Variants in EPC1 observed in about 807,000 individuals in gnomAD.
EPC1 encodes the protein enhancer of polycomb 1, also known as enhancer of polycomb homolog 1.
In EPC1, 12 loss-of-function variants were observed where a neutral mutation model predicts 98.4. That is an observed-to-expected ratio of 0.12 (90% confidence interval 0.08 to 0.20). The LOEUF is 0.20. Ranked by LOEUF, EPC1 falls within the 10% of genes least tolerant of loss-of-function variation. EPC1 has a pLI of 1.00. For missense variants in EPC1, 729 were observed against 990.5 expected (o/e 0.74, Z 3.54); for synonymous variants, 357 against 363.9 (o/e 0.98, Z 0.21).
chr10:32,340,316 C>A (rs1440545712), intron 1 of EPC1, among the ~76,000 whole-genome samples: 1 of 152,168 alleles, frequency 6.6e-6, no homozygotes, highest in Non-Finnish European at 1.5e-5. Context: ...ATAAGTACAG[C>A]AAGTTTGCTT....
intron 2 of EPC1, among the ~76,000 whole-genome samples, chr10:32,301,553 AAG>A (rs1835543487): frequency 6.6e-6 from 1 of 152,266 alleles, no homozygotes; most frequent in African/African-American, 2.4e-5. Flanking sequence ...TGCAATACTC[AAG>A]ACAGCGATAT....
At chr10:32,320,281 CTG>C (rs1836825579) in intron 1 of EPC1, among the ~76,000 whole-genome samples, 1 of 151,772 alleles carries the variant, frequency 6.6e-6, no homozygotes, top group Non-Finnish European at 1.5e-5. Context: ...GCTTCCAGAA[CTG>C]TTACCAAGTA....
At chr10:32,369,570 T>C (rs576326688) in intron 1 of EPC1, among the ~76,000 whole-genome samples, 23 of 152,298 alleles carry the variant, frequency 1.5e-4, no homozygotes, top group African/African-American at 5.5e-4. Context: ...CCCAAATTGT[T>C]TGGGTAGGTC....
intron 1 of EPC1, among the ~76,000 whole-genome samples, chr10:32,360,667 G>A (rs1029434511): frequency 2.0e-5 from 3 of 152,182 alleles, no homozygotes; most frequent in South Asian, 2.1e-4. Flanking sequence ...GCCAAGGTGG[G>A]TGGATCACCT....
At chr10:32,335,841 G>T (rs1224140022) in intron 1 of EPC1, among the ~76,000 whole-genome samples, 1 of 151,900 alleles carries the variant, frequency 6.6e-6, no homozygotes, top group African/African-American at 2.4e-5. Flanking sequence ...ACTAATAATT[G>T]TGCCACCTCT....
chr10:32,312,694 A>C (rs1005101046), intron 1 of EPC1, among the ~76,000 whole-genome samples: 2 of 152,200 alleles, frequency 1.3e-5, no homozygotes, highest in African/African-American at 4.8e-5. Context: ...GGAGTGCTTA[A>C]ATGTTATGTG....
At chr10:32,372,731 G>C (rs535219241) in intron 1 of EPC1, among the ~76,000 whole-genome samples, 1 of 152,326 alleles carries the variant, frequency 6.6e-6, no homozygotes, top group South Asian at 2.1e-4. Context: ...ACATTTAAAA[G>C]ATAAGTCAGG....
chr10:32,273,732 C>T (rs1023294784), intron 10 of EPC1, among the ~76,000 whole-genome samples: 2 of 152,006 alleles, frequency 1.3e-5, no homozygotes, highest in Non-Finnish European at 2.9e-5. Context: ...CCTAATGGCT[C>T]TGTGTATATA....
chr10:32,277,248 G>T (rs906963226), intron 10 of EPC1, among the ~76,000 whole-genome samples: 11 of 152,158 alleles, frequency 7.2e-5, no homozygotes, highest in African/African-American at 2.2e-4. Context: ...TGTGGGACAG[G>T]ATTAAAAGCT....
At chr10:32,340,963 A>G (rs1238548533) in intron 1 of EPC1, among the ~76,000 whole-genome samples, 2 of 152,234 alleles carry the variant, frequency 1.3e-5, no homozygotes, top group African/African-American at 4.8e-5. Flanking sequence ...CAGTGTTCCA[A>G]AAGTCTACTT....
At chr10:32,367,580 T>C (rs1839636847) in intron 1 of EPC1, among the ~76,000 whole-genome samples, 1 of 152,364 alleles carries the variant, frequency 6.6e-6, no homozygotes, top group African/African-American at 2.4e-5. Flanking sequence ...TTAAATGATA[T>C]ATTTTTTCAA....
chr10:32,302,993 T>C lies in EPC1; in HGVS notation c.313+2779A>G, dbSNP rs572685835. On this transcript the variant is annotated intron_variant, in intron 2 of 13. Transcript: ENST00000319778. ...CCCTGCAACTACACTCATGAATATA[T>C]ACCCCAGAGGAAGAAAAACTCATGT... is the stretch of plus-strand genomic sequence containing the variant. Among the ~76,000 whole-genome samples the C allele has an allele frequency of 1.6e-3, 248 of 152,146 alleles. 2 individuals carry two copies. The highest frequency in any genetic ancestry group is 5.8e-3 in the African/African-American group (240 of 41,532).
intron 1 of EPC1, among the ~76,000 whole-genome samples, chr10:32,325,286 C>CT (rs1333249979): frequency 6.6e-6 from 1 of 152,162 alleles, no homozygotes; most frequent in Non-Finnish European, 1.5e-5. Context: ...GTTTTTACAG[C>CT]TTTTCTAATT....
chr10:32,315,183 A>C (rs1306227634), intron 1 of EPC1, among the ~76,000 whole-genome samples: 1 of 152,138 alleles, frequency 6.6e-6, no homozygotes, highest in African/African-American at 2.4e-5. Context: ...TTTGTAATGG[A>C]CTCATTGCCT....
intron 1 of EPC1, among the ~76,000 whole-genome samples, chr10:32,341,416 C>T (rs1415142731): frequency 6.6e-6 from 1 of 152,050 alleles, no homozygotes; most frequent in Non-Finnish European, 1.5e-5. Context: ...AAAACTAAAA[C>T]CCAGCCATTT....
intron 2 of EPC1, among the ~76,000 whole-genome samples, chr10:32,297,448 G>A (rs1456807500): frequency 6.6e-6 from 1 of 151,824 alleles, no homozygotes; most frequent in African/African-American, 2.4e-5. Flanking sequence ...ACCACGCCCG[G>A]CAAATTTTTG....
chr10:32,274,904 AATT>A lies in EPC1; in HGVS notation c.1745-1626_1745-1624del, dbSNP rs537347037. On this transcript the variant is annotated intron_variant, in intron 10 of 13. Transcript: ENST00000319778. ...CTCATGTTTAAAAAAAATCCACGAAAATTATTTAAATGTAAGAATCCTTGACTC... is the reference window on the plus strand; with the variant it reads ...CTCATGTTTAAAAAAAATCCACGAAAATTTAAATGTAAGAATCCTTGACTC... Among the ~76,000 whole-genome samples the A allele has an allele frequency of 2.0e-5, 3 of 152,304 alleles. No homozygotes were observed. In the East Asian group the frequency reaches 5.8e-4, roughly 29 times the overall value.
chr10:32,347,309 C>A (rs2370762), upstream of EPC1: 1 of 610,504 alleles, frequency 1.6e-6, no homozygotes, highest in Admixed American at 5.7e-5. Context: ...TCGCTTCCCG[C>A]GCCTCGCTGC....
chr10:32,366,388 AATAACTTGAT>A (rs1839605354), intron 1 of EPC1, among the ~76,000 whole-genome samples: 2 of 152,344 alleles, frequency 1.3e-5, no homozygotes, highest in Admixed American at 1.3e-4. Flanking sequence ...TAACATTTTA[AATAACTTGAT>A]ATCTTTATAT....
Sources: allele counts gnomAD v4.1 joint callset (sites outside exome capture counted in the v4.1 genomes callset), GRCh38; gene constraint gnomAD v4.1.1; transcripts MANE v1.5; gene names NCBI Gene and HGNC (gene_info 2026-07-23, HGNC 2026-07-21).